Variants in RBBP8 observed in about 807,000 individuals in gnomAD.
RBBP8 encodes the protein DNA endonuclease RBBP8.
A neutral mutation model predicts 108.3 loss-of-function variants in RBBP8; 88 were observed. That is an observed-to-expected ratio of 0.81 (90% CI 0.68 to 0.97). The LOEUF is 0.97. Among genes scored for constraint, RBBP8 ranks in the 50% least tolerant of loss-of-function variants. The pLI, the probability that RBBP8 is intolerant of heterozygous loss-of-function variation, is 0.00. For missense variants in RBBP8, 1,023 were observed against 1,049.0 expected, an observed-to-expected ratio of 0.98 and a Z score of 0.34; for synonymous variants, 332 against 348.2, an observed-to-expected ratio of 0.95 and a Z score of 0.52.
chr18:22,935,104 T>A (rs1910426120), intron 1 of RBBP8, among the ~76,000 whole-genome samples: 1 of 151,288 alleles, frequency 6.6e-6, no homozygotes, highest in Non-Finnish European at 1.5e-5. Context: ...AATAAAAACC[T>A]CTTTGGTAAC....
chr18:22,987,201 C>T (rs746036955), intron 8 of RBBP8, among the ~76,000 whole-genome samples: 1 of 152,026 alleles, frequency 6.6e-6, no homozygotes, highest in Non-Finnish European at 1.5e-5. Context: ...CAACCCCCAC[C>T]TGCAAGAGAG....
At chr18:22,996,563 A>G (rs2045862979) in intron 13 of RBBP8, 101 bp downstream of exon 13, 1 of 1,530,776 alleles carries the variant, frequency 6.5e-7, no homozygotes, top group African/African-American at 1.4e-5. Context: ...AGATAATCAG[A>G]TACGTCTTAA....
chr18:23,008,769 ATTT>A (rs71161355), intron 16 of RBBP8, among the ~76,000 whole-genome samples: 2 of 100,026 alleles, frequency 2.0e-5, no homozygotes, highest in Non-Finnish European at 3.7e-5. Flanking sequence ...TATGACTTTG[ATTT>A]TTTTTTTTTT....
intron 16 of RBBP8, among the ~76,000 whole-genome samples, chr18:23,008,155 C>A (rs1338779190): frequency 2.6e-5 from 4 of 152,152 alleles, no homozygotes; most frequent in African/African-American, 7.2e-5. Flanking sequence ...CTGCCTTTCA[C>A]AAGGACTGCA....
upstream of RBBP8, among the ~76,000 whole-genome samples, chr18:22,928,373 G>T (rs1009620944): frequency 6.6e-6 from 1 of 152,124 alleles, no homozygotes; most frequent in Non-Finnish European, 1.5e-5. Context: ...TTGTGAAAGG[G>T]TATAGAAAGG....
intron 4 of RBBP8, among the ~76,000 whole-genome samples, chr18:22,957,556 A>G (rs2144532181): frequency 6.6e-6 from 1 of 152,304 alleles, no homozygotes; most frequent in Admixed American, 6.5e-5. Context: ...TAAACTCAGA[A>G]TGCATGTTGC....
At chr18:22,954,073 C>T (rs1912282209) in intron 4 of RBBP8, among the ~76,000 whole-genome samples, 1 of 152,088 alleles carries the variant, frequency 6.6e-6, no homozygotes, top group South Asian at 2.1e-4. Flanking sequence ...GTGGGAACTA[C>T]AATTCAAGTT....
intron 16 of RBBP8, among the ~76,000 whole-genome samples, chr18:23,011,031 T>C (rs1409502819): frequency 6.6e-6 from 1 of 152,246 alleles, no homozygotes; most frequent in African/African-American, 2.4e-5. Context: ...TGTGGCAATA[T>C]TTTTTGTGTG....
chr18:23,020,869 A>G (rs1326000164), intron 17 of RBBP8, among the ~76,000 whole-genome samples: 1 of 152,148 alleles, frequency 6.6e-6, no homozygotes, highest in East Asian at 1.9e-4. Flanking sequence ...ATCTCATCTC[A>G]TCCCAAAGCC....
At chr18:23,012,955 T>C (rs1386100346) in intron 16 of RBBP8, among the ~76,000 whole-genome samples, 1 of 152,086 alleles carries the variant, frequency 6.6e-6, no homozygotes, top group Non-Finnish European at 1.5e-5. Flanking sequence ...CCTAGGACCC[T>C]GAAGAATTAT....
chr18:22,926,780 T>C (rs1048516738), intron 3 of RBBP8, among the ~76,000 whole-genome samples: 1 of 152,206 alleles, frequency 6.6e-6, no homozygotes, highest in Non-Finnish European at 1.5e-5. Flanking sequence ...AGACTAATCT[T>C]TCTAATTAAA....
Position 22,933,335 on chromosome 18 carries a change from G to A in RBBP8, c.-328G>A, listed in dbSNP as rs1829820740. On this transcript the variant is annotated 5_prime_UTR_variant, in exon 1 of 19. Transcript: ENST00000327155. The stretch of plus-strand genomic sequence containing the variant: ...GACGCAAGTGGAACTCCCGCGTGAC[G>A]TCGCGCGGGCTCCCGGGCGGGGCGG... The A allele has an allele frequency of 6.6e-6, 1 of 152,540 alleles. No individual in the cohort carries two copies. Among genetic ancestry groups the A allele is most frequent in the Non-Finnish European group, 1.5e-5 (1 of 68,160 alleles). 9.4% of individuals were successfully genotyped at this position (152,540 alleles called of 1,614,324 possible).
chr18:23,016,963 G>A lies in RBBP8; in HGVS notation c.2454+39G>A, dbSNP rs372537555. On this transcript the variant is annotated intron_variant, in intron 17 of 18. Coordinates refer to ENST00000327155, the MANE Select transcript of RBBP8 (RefSeq NM_002894.3). ...TAGATACTAATTTTTTTTTAAGTAC[G>A]GCTTTATAGATAATAAATGCATGAT... is the stretch of plus-strand genomic sequence containing the variant. The A allele has an allele frequency of 2.3e-5, 32 of 1,368,358 alleles. No homozygotes were observed. The Middle Eastern group carries it at 5.3e-4, about 23-fold the overall frequency. The allele number at this position is 1,368,358 out of a possible 1,614,324, so 84.8% of individuals were successfully genotyped here.
intron 3 of RBBP8, among the ~76,000 whole-genome samples, chr18:22,927,061 A>G (rs1169429056): frequency 6.6e-6 from 1 of 152,240 alleles, no homozygotes; most frequent in African/African-American, 2.4e-5. Context: ...AAAAAATTGA[A>G]TCAAGTGTTC....
intron 3 of RBBP8, among the ~76,000 whole-genome samples, chr18:22,922,991 T>C (rs752156270): frequency 6.0e-4 from 92 of 152,204 alleles, no homozygotes; most frequent in Non-Finnish European, 1.2e-3. Context: ...ATTCTTTCTA[T>C]AATTATAAAT....
rs751977575 is a variant in RBBP8, at chr18:22,992,841, T to A, written c.1014T>A (p.Ser338Arg). The A allele has an allele frequency of 5.0e-6, 8 of 1,613,062 alleles. No homozygotes were observed. Among genetic ancestry groups the A allele is most frequent in the Middle Eastern group, 1.7e-4 (1 of 6,058 alleles). The part of the protein sequence containing the change: ...PVFGATSSIK[S>R]GLDLNTSLSP... Reference sequence around the variant, plus strand: ...TTGGAGCTACCTCTAGTATCAAAAGTGGTTTAGATTTGAATACAAGTTTGT... The same window carrying A: ...TTGGAGCTACCTCTAGTATCAAAAGAGGTTTAGATTTGAATACAAGTTTGT... Residue 338 changes from serine (S) to arginine (R), a missense_variant, in exon 11 of 19, where the codon AGT becomes AGA. Ser to Arg is a moderately radical substitution (Grantham distance 110). Coordinates refer to ENST00000327155, the MANE Select transcript of RBBP8 (RefSeq NM_002894.3).
In RBBP8 at chr18:23,001,588, G is replaced by T; in HGVS notation, c.2146G>T (p.Glu716Ter). ...QEQKGEKSSN[E>*]ERKMNDSLED... ...TAAGCCAGTGCTCTTTTACATAGAT[G>T]AAGAAAGAAAAATGAATGATAGCTT... The change falls in exon 15 of 19, where the codon GAA becomes TAA. Residue 716 changes from glutamate (E) to a stop codon, truncating the protein, a stop_gained and splice_region_variant. Transcript: ENST00000327155. LOFTEE classifies it high-confidence loss of function. 1 of 1,614,078 alleles carries T rather than the reference G, an allele frequency of 6.2e-7. No homozygotes were observed. Among genetic ancestry groups the T allele is most frequent in the Non-Finnish European group, 8.5e-7 (1 of 1,179,996 alleles).
rs750079074 is a variant in RBBP8, at chr18:22,993,587, C to G, written c.1760C>G (p.Pro587Arg). The change falls in exon 11 of 19, where the codon CCT becomes CGT. Residue 587 changes from proline to arginine, a missense_variant. Pro to Arg is a moderately radical substitution (Grantham distance 103). Coordinates refer to ENST00000327155, the MANE Select transcript of RBBP8 (RefSeq NM_002894.3). ...IKEENAVFKI[P>R]LRPRESLETE... ...GAAGAAAATGCTGTCTTTAAAATTC[C>G]TCTACGTCCACGTGAAAGTTTGGAG... is the stretch of plus-strand genomic sequence containing the variant. 6.2e-7 allele frequency: 1 copy of G among 1,614,146 alleles called. No individual in the cohort carries two copies. The highest frequency in any genetic ancestry group is 1.7e-5 in the Admixed American group (1 of 60,008).
intron 2 of RBBP8, among the ~76,000 whole-genome samples, chr18:22,944,744 G>GA (rs1911408003): frequency 1.3e-5 from 2 of 152,084 alleles, no homozygotes; most frequent in Admixed American, 6.5e-5. Flanking sequence ...GAGACATAAG[G>GA]AAAAAATGTA....
Sources: gnomAD v4.1 joint callset for allele counts (sites outside exome capture counted in the v4.1 genomes callset) on GRCh38, gnomAD v4.1.1 for gene constraint, MANE v1.5 for transcripts, NCBI Gene and HGNC (gene_info 2026-07-23, HGNC 2026-07-21) for gene names.